Variants in PRKCQ observed in about 807,000 individuals in gnomAD.
The protein encoded by PRKCQ is protein kinase C theta, also known as protein kinase C theta type.
A neutral mutation model predicts 91.2 loss-of-function variants in PRKCQ; 41 were observed. That is an observed-to-expected ratio of 0.45 (90% CI 0.35 to 0.58). The LOEUF is 0.58. PRKCQ is among the 20% of genes least tolerant of loss of function. The pLI is 0.00. For missense variants in PRKCQ, 673 were observed against 896.5 expected (o/e 0.75, Z 3.18); for synonymous variants, 307 against 316.9 (o/e 0.97, Z 0.33).
At chr10:6,402,801 T>C in the PRKCQ span, among the ~76,000 whole-genome samples, 1 of 152,194 alleles carries the variant, frequency 6.6e-6, no homozygotes, top group Non-Finnish European at 1.5e-5. Flanking sequence ...TCCCAGCTAC[T>C]TTGGAGGCTG....
At chr10:6,550,215 T>A (rs547487047) in intron 1 of PRKCQ, among the ~76,000 whole-genome samples, 270 of 152,338 alleles carry the variant, frequency 1.8e-3, no homozygotes, top group African/African-American at 6.0e-3. Context: ...TCAAAGTTCA[T>A]CCACATGACA....
Position 6,494,167 on chromosome 10 carries a change from T to A in PRKCQ, c.661-2355A>T, listed in dbSNP as rs111398251. On this transcript the variant is annotated intron_variant, in intron 7 of 17. Coordinates refer to ENST00000263125, the MANE Select transcript of PRKCQ (RefSeq NM_006257.5). ...TAAGGGAAGCGCCTTTGTGTGCCCA[T>A]CACCAAAGCTCCACACCCATCCCCA... 3.9e-3 allele frequency among the ~76,000 whole-genome samples: 590 copies of A among 152,286 alleles called. 2 individuals are homozygous for A. Among genetic ancestry groups the A allele is most frequent in the Middle Eastern group, 6.8e-3 (2 of 294 alleles).
intron 1 of PRKCQ, among the ~76,000 whole-genome samples, chr10:6,517,120 A>G (rs1384130838): frequency 1.3e-5 from 2 of 152,118 alleles, no homozygotes; most frequent in African/African-American, 4.8e-5. Context: ...TAGAACCGCA[A>G]GCTCAGGTGT....
intron 4 of PRKCQ, among the ~76,000 whole-genome samples, chr10:6,502,750 A>C (rs748983578): frequency 6.6e-6 from 1 of 152,258 alleles, no homozygotes; most frequent in Non-Finnish European, 1.5e-5. Flanking sequence ...TGATGCATTC[A>C]TGTGGAAGTT....
chr10:6,426,885 G>A (rs939253690), downstream of PRKCQ, among the ~76,000 whole-genome samples: 5 of 152,092 alleles, frequency 3.3e-5, no homozygotes, highest in African/African-American at 9.7e-5. Context: ...ATAGGCCCCC[G>A]CCACCACGCC....
intron 16 of PRKCQ, among the ~76,000 whole-genome samples, chr10:6,435,675 TACACTA>T (rs1266938330): frequency 2.0e-5 from 3 of 152,166 alleles, no homozygotes; most frequent in Admixed American, 6.6e-5. Context: ...ACACCTAAAA[TACACTA>T]ACACTAACAA....
chr10:6,416,959 G>A, the PRKCQ span, among the ~76,000 whole-genome samples: 1 of 152,106 alleles, frequency 6.6e-6, no homozygotes, highest in African/African-American at 2.4e-5. Context: ...CTGGGATTTG[G>A]TCATTTTATA....
intron 1 of PRKCQ, among the ~76,000 whole-genome samples, chr10:6,548,388 TACCCAAA>T (rs1840049470): frequency 6.6e-6 from 1 of 151,632 alleles, no homozygotes; most frequent in African/African-American, 2.4e-5. Flanking sequence ...ACTGGGTATA[TACCCAAA>T]GGACTATAAA....
chr10:6,449,030 C>T (rs200205493), intron 15 of PRKCQ, among the ~76,000 whole-genome samples: 2,749 of 137,132 alleles, frequency 0.02, no homozygotes, highest in African/African-American at 0.057. Context: ...GAGTGCCTCT[C>T]CTCCTCCAAA....
rs927818374 is a variant in PRKCQ at position 6,497,688 on chromosome 10, C to T, written c.543-437G>A. The stretch of plus-strand genomic sequence containing the variant: ...ACCAACAAAGTCTCACATGCAGGAC[C>T]GATTCCTGAGTGACATCCATGATTA... On this transcript the variant is annotated intron_variant, in intron 5 of 17. Coordinates refer to ENST00000263125, the MANE Select transcript of PRKCQ (RefSeq NM_006257.5). This position sits in a 1 kb window ranked among gnomAD's most constrained non-coding sequence, Gnocchi z 4.5. 1.3e-5 allele frequency among the ~76,000 whole-genome samples: 2 copies of T among 152,128 alleles called. No individual in the cohort carries two copies. Among genetic ancestry groups the T allele is most frequent in the Admixed American group, 6.6e-5 (1 of 15,266 alleles).
At chr10:6,564,655 A>T (rs1475262255) in intron 1 of PRKCQ, among the ~76,000 whole-genome samples, 2 of 152,142 alleles carry the variant, frequency 1.3e-5, no homozygotes, top group Admixed American at 1.3e-4. Context: ...GGATGCTCTG[A>T]AGACCAAAAC....
intron 1 of PRKCQ, among the ~76,000 whole-genome samples, chr10:6,552,511 G>C (rs1032439183): frequency 1.3e-5 from 2 of 151,138 alleles, no homozygotes; most frequent in African/African-American, 4.9e-5. Context: ...TGTTGCCCAG[G>C]CTGGAGTGCA....
chr10:6,551,678 G>T (rs1441380746), intron 1 of PRKCQ, among the ~76,000 whole-genome samples: 1 of 152,178 alleles, frequency 6.6e-6, no homozygotes, highest in African/African-American at 2.4e-5. Flanking sequence ...TTACAGGTGT[G>T]AGCCACCACG....
chr10:6,433,075 T>G (rs1182538628), intron 16 of PRKCQ, among the ~76,000 whole-genome samples: 2 of 152,244 alleles, frequency 1.3e-5, no homozygotes, highest in Non-Finnish European at 2.9e-5. Flanking sequence ...CACTCATGAT[T>G]CTTACGACTG....
At chr10:6,470,297 C>T (rs1205177757) in intron 12 of PRKCQ, among the ~76,000 whole-genome samples, 1 of 152,172 alleles carries the variant, frequency 6.6e-6, no homozygotes, top group African/African-American at 2.4e-5. Context: ...TTCCCCCCTG[C>T]TCTTCCTCCT....
chr10:6,438,701 T>C (rs1833817545), intron 16 of PRKCQ, among the ~76,000 whole-genome samples: 1 of 152,098 alleles, frequency 6.6e-6, no homozygotes. Context: ...GCTCAAGTGA[T>C]CCTCCCATCT....
At chr10:6,532,520 C>T (rs567176922) in intron 1 of PRKCQ, among the ~76,000 whole-genome samples, 62 of 151,982 alleles carry the variant, frequency 4.1e-4, no homozygotes, top group African/African-American at 1.2e-3. Flanking sequence ...CATCCCACCC[C>T]GAATGCACCC....
chr10:6,478,167 T>C (rs1836374791), intron 12 of PRKCQ, among the ~76,000 whole-genome samples: 1 of 152,136 alleles, frequency 6.6e-6, no homozygotes, highest in South Asian at 2.1e-4. Context: ...CGTAAGAAAA[T>C]GTTCAAAATA....
At chr10:6,418,248 G>C in the PRKCQ span, among the ~76,000 whole-genome samples, 1 of 152,076 alleles carries the variant, frequency 6.6e-6, no homozygotes, top group African/African-American at 2.4e-5. Context: ...AACCTCTGAG[G>C]CTTGGAAAAA....
Sources: gnomAD v4.1 joint callset for allele counts (sites outside exome capture counted in the v4.1 genomes callset) on GRCh38, gnomAD v4.1.1 for gene constraint, Gnocchi (gnomAD v3.1) non-coding constraint, MANE v1.5 for transcripts, NCBI Gene and HGNC (gene_info 2026-07-23, HGNC 2026-07-21) for gene names.